SORBS3: variants seen among roughly 807,000 people sequenced by gnomAD.
The protein encoded by SORBS3 is sorbin and SH3 domain containing 3, also known as vinexin.
In SORBS3, 69 loss-of-function variants were observed where a neutral mutation model predicts 98.0. The ratio of observed to expected loss-of-function variants is 0.70; its 90% confidence interval spans 0.58 to 0.86. The LOEUF is 0.86. Ranked by LOEUF, SORBS3 falls within the 40% of genes least tolerant of loss-of-function variation. SORBS3 has a pLI of 0.00. For missense variants in SORBS3, 954 were observed against 908.5 expected (o/e 1.05, Z -0.64); for synonymous variants, 394 against 355.4 (o/e 1.11, Z -1.22).
Position 22,575,267 on chromosome 8 carries a change from C to T in SORBS3, c.*539C>T. 3.5e-6 allele frequency: 1 copy of T among 283,466 alleles called. No homozygotes were observed. Among genetic ancestry groups the T allele is most frequent in the Non-Finnish European group, 7.0e-6 (1 of 143,794 alleles). 17.6% of individuals were successfully genotyped at this position (283,466 alleles called of 1,614,324 possible). On this transcript the variant is annotated 3_prime_UTR_variant, in exon 21 of 21. Coordinates refer to ENST00000240123, the MANE Select transcript of SORBS3 (RefSeq NM_005775.5). ...GGGGACAGACGCAGCACCTTCTTAG[C>T]GATCTAGGCCTGGCAAGAGCTCTGG... is the stretch of plus-strand genomic sequence containing the variant.
chr8:22,558,093 A>C, intron 4 of SORBS3, 36 bp from the exon 5 acceptor site: 1 of 1,608,396 alleles, frequency 6.2e-7, no homozygotes, highest in South Asian at 1.1e-5. Flanking sequence ...AGGGTGAATA[A>C]GCAGGGAGGA....
chr8:22,562,132 G>T lies in SORBS3; in HGVS notation c.584+201G>T, dbSNP rs1433640415. ...TAGACTCTCTTCCCTACAGGGTCAAGGGGGGAAGGGTAGGCAAGAGTGGAC... is the reference window on the plus strand; with the variant it reads ...TAGACTCTCTTCCCTACAGGGTCAATGGGGGAAGGGTAGGCAAGAGTGGAC... On this transcript the variant is annotated intron_variant, in intron 7 of 20. Coordinates refer to ENST00000240123, the MANE Select transcript of SORBS3 (RefSeq NM_005775.5). Among the ~76,000 whole-genome samples the T allele has an allele frequency of 2.6e-5, 4 of 152,370 alleles. No homozygotes were observed. The East Asian group carries it at 7.7e-4, about 29-fold the overall frequency.
At chr8:22,571,966 A>G (rs772243020) in intron 19 of SORBS3, 145 bp downstream of exon 19, 13 of 643,126 alleles carry the variant, frequency 2.0e-5, no homozygotes, top group Non-Finnish European at 3.3e-5. Flanking sequence ...GCTTATGGTG[A>G]TTTGGGGCAG....
chr8:22,564,423 G>A (rs780808735), intron 9 of SORBS3, 45 bp from the exon 10 acceptor site: 2 of 1,613,852 alleles, frequency 1.2e-6, no homozygotes, highest in East Asian at 2.2e-5. Context: ...GATACATTTT[G>A]GAAAGTGAGT....
At position 22,564,499 on chromosome 8, in the gene SORBS3, A is replaced by AG. The variant is rs1563827669; in HGVS notation, c.795dup (p.Lys266GlufsTer7). The AG allele has an allele frequency of 6.2e-7, 1 of 1,614,112 alleles. No individual in the cohort carries two copies. The highest frequency in any genetic ancestry group is 2.2e-5 in the East Asian group (1 of 44,878). ...AAACCGCTGGTGGACGACCCTGGTGAGAAGCCCTCCCAGCCCATTGAGGTG... is the reference window on the plus strand; with the variant it reads ...AAACCGCTGGTGGACGACCCTGGTGAGGAAGCCCTCCCAGCCCATTGAGGTG... On this transcript the variant is annotated frameshift_variant, in exon 10 of 21. Transcript: ENST00000240123. LOFTEE classifies it high-confidence loss of function.
intron 10 of SORBS3, 77 bp from the exon 11 acceptor site, chr8:22,565,191 C>T (rs1840379517): frequency 1.3e-6 from 2 of 1,492,864 alleles, no homozygotes; most frequent in Admixed American, 2.0e-5. Flanking sequence ...CCTTGCTTTT[C>T]ACAGTCGATC....
intron 3 of SORBS3, among the ~76,000 whole-genome samples, chr8:22,555,930 A>C (rs1840174864): frequency 6.6e-6 from 1 of 152,234 alleles, no homozygotes; most frequent in African/African-American, 2.4e-5. Flanking sequence ...GGACACTGTA[A>C]AAACACTTTA....
At chr8:22,551,811 G>C (rs1005550705), upstream of SORBS3, 62 of 985,622 alleles carry the variant, frequency 6.3e-5, no homozygotes, top group African/African-American at 1.1e-3. This position sits in a 1 kb window ranked among gnomAD's most constrained non-coding sequence, Gnocchi z 5.8. Context: ...GACTCTCACG[G>C]TCCGGCCTCC....
At chr8:22,552,130 C>G in intron 1 of SORBS3, 108 bp downstream of exon 1, 1 of 924,496 alleles carries the variant, frequency 1.1e-6, no homozygotes, top group Non-Finnish European at 1.3e-6. Context: ...GCGTCCCAAA[C>G]TCTGGGAAGT....
In SORBS3 at chr8:22,567,237, C is replaced by T. The variant is rs531416113; in HGVS notation, c.1305+62C>T. The T allele has an allele frequency of 8.8e-5, 108 of 1,225,236 alleles. No homozygotes were observed. The African/African-American group carries it at 1.5e-3, about 17-fold the overall frequency. The allele number at this position is 1,225,236 out of a possible 1,614,324, so 75.9% of individuals were successfully genotyped here. A position where few individuals can be genotyped will look rare whatever the true frequency, so the allele number is the denominator to read the frequency against. On this transcript the variant is annotated intron_variant, in intron 16 of 20. Coordinates refer to ENST00000240123, the MANE Select transcript of SORBS3 (RefSeq NM_005775.5). Reference sequence around the variant, plus strand: ...GGGAGGGCGCAGGGGTTGGGAGAGACTTAGTGCAAACCTTGGGTTTCCTAA... The same window carrying T: ...GGGAGGGCGCAGGGGTTGGGAGAGATTTAGTGCAAACCTTGGGTTTCCTAA...
intron 4 of SORBS3, 113 bp downstream of exon 4, chr8:22,557,021 C>T (rs1840196098): frequency 8.4e-7 from 1 of 1,192,254 alleles, no homozygotes; most frequent in Non-Finnish European, 1.2e-6. Flanking sequence ...CAAACCATCC[C>T]AGATTAAGCA....
At chr8:22,546,221 A>C (rs1051163613) in intron 1 of SORBS3, among the ~76,000 whole-genome samples, 3 of 152,240 alleles carry the variant, frequency 2.0e-5, no homozygotes, top group Admixed American at 6.5e-5. Context: ...AGGTAATCTT[A>C]AGATTTAAAA....
At chr8:22,551,649 C>T, upstream of SORBS3, 1 of 851,654 alleles carries the variant, frequency 1.2e-6, no homozygotes, top group Non-Finnish European at 1.4e-6. The surrounding 1 kb of genome is among the most constrained non-coding windows in gnomAD (Gnocchi z 5.8). Flanking sequence ...CCCGGCGCCG[C>T]CTCCCCGCCG....
At chr8:22,564,402 C>A in intron 9 of SORBS3, 33 bp downstream of exon 9, 2 of 1,613,452 alleles carry the variant, frequency 1.2e-6, no homozygotes, top group Non-Finnish European at 1.7e-6. Flanking sequence ...GGTGTGCACG[C>A]ACCCTCAGCT....
chr8:22,551,121 TC>T (rs1176744845), upstream of SORBS3, among the ~76,000 whole-genome samples: 7 of 151,986 alleles, frequency 4.6e-5, no homozygotes, highest in African/African-American at 1.7e-4. The surrounding 1 kb of genome is among the most constrained non-coding windows in gnomAD (Gnocchi z 5.8). Flanking sequence ...CCTAATCCCA[TC>T]CCCGCCAAAG....
chr8:22,566,831 G>T lies in SORBS3; in HGVS notation c.1153G>T (p.Ala385Ser). The T allele has an allele frequency of 1.9e-6, 3 of 1,613,554 alleles. No homozygotes were observed. Among genetic ancestry groups the T allele is most frequent in the Admixed American group, 1.7e-5 (1 of 59,932 alleles). ...CCTCTCCCCTGCCTAGAGAAAGGCCGCCAGGCTCAAGTTTGACTTCCAGGC... is the reference window on the plus strand; with the variant it reads ...CCTCTCCCCTGCCTAGAGAAAGGCCTCCAGGCTCAAGTTTGACTTCCAGGC... Reference protein sequence around the residue: ...ARREEKKRKAARLKFDFQAQS... With the variant: ...ARREEKKRKASRLKFDFQAQS... The change falls in exon 15 of 21, where the codon GCC becomes TCC. Residue 385 changes from alanine (A) to serine (S), a missense_variant. Physicochemically the swap from Ala to Ser is moderately conservative, Grantham distance 99. Transcript: ENST00000240123.
At chr8:22,551,737 T>C (rs1840084565), upstream of SORBS3, 3 of 983,998 alleles carry the variant, frequency 3.0e-6, no homozygotes, top group Non-Finnish European at 3.6e-6. The surrounding 1 kb of genome is among the most constrained non-coding windows in gnomAD (Gnocchi z 5.8). Context: ...ACGTCCCTCC[T>C]CTCCGGCCCA....
At position 22,561,881 on chromosome 8, in the gene SORBS3, A is replaced by AGCCCAGCAAAGACCTGCCCAC. The variant is rs1258415797; in HGVS notation, c.535_555dup (p.Ala179_His185dup). The AGCCCAGCAAAGACCTGCCCAC allele has an allele frequency of 1.2e-6, 2 of 1,614,058 alleles. No homozygotes were observed. The highest frequency in any genetic ancestry group is 1.7e-6 in the Non-Finnish European group (2 of 1,180,030). Reference sequence around the variant, plus strand: ...CCTCTGCAGACCCCAGGCATCTAGGAGCCCAGCAAAGACCTGCCCACAGGC... The same window carrying AGCCCAGCAAAGACCTGCCCAC: ...CCTCTGCAGACCCCAGGCATCTAGGAGCCCAGCAAAGACCTGCCCACGCCCAGCAAAGACCTGCCCACAGGC... On this transcript the variant is annotated inframe_insertion, in exon 7 of 21. Transcript: ENST00000240123.
At chr8:22,567,889 C>A (rs1212262303) in intron 16 of SORBS3, among the ~76,000 whole-genome samples, 1 of 145,408 alleles carries the variant, frequency 6.9e-6, no homozygotes, top group Non-Finnish European at 1.5e-5. Context: ...GCTCTGCTGT[C>A]CAGGCTGGAG....
Sources: gnomAD v4.1 joint callset for allele counts (sites outside exome capture counted in the v4.1 genomes callset) on GRCh38, gnomAD v4.1.1 for gene constraint, Gnocchi (gnomAD v3.1) non-coding constraint, MANE v1.5 for transcripts, NCBI Gene and HGNC (gene_info 2026-07-23, HGNC 2026-07-21) for gene names.